ABAT: variants seen among roughly 807,000 people sequenced by gnomAD.
ABAT encodes 4-aminobutyrate aminotransferase, also known as 4-aminobutyrate aminotransferase, mitochondrial.
Under a neutral mutation model 64.6 loss-of-function variants are expected in ABAT, and 45 were observed. The ratio of observed to expected loss-of-function variants is 0.70; its 90% CI spans 0.55 to 0.89. The LOEUF (loss-of-function observed/expected upper bound fraction) is 0.89, where lower values mean the gene tolerates loss of function less well. ABAT is among the 40% of genes least tolerant of loss of function. ABAT has a pLI of 0.00. For missense variants in ABAT, 633 were observed against 658.4 expected (o/e 0.96, Z 0.42); for synonymous variants, 297 against 250.5 (o/e 1.19, Z -1.75).
In ABAT at chr16:8,772,475, C is replaced by T. The variant is rs372624722; in HGVS notation, c.817-305C>T. Among the ~76,000 whole-genome samples, 14 of 152,322 alleles carry T rather than the reference C, an allele frequency of 9.2e-5. No individual in the cohort carries two copies. In the East Asian group the frequency reaches 1.3e-3, roughly 15 times the overall value. On this transcript the variant is annotated intron_variant, in intron 11 of 15. Coordinates refer to ENST00000268251, the MANE Select transcript of ABAT (RefSeq NM_020686.6). ...ATATTTTCTCATTCAGTCCTCTCCACGACCCTGGAAGGTGGATTCTGTCAG... is the reference window on the plus strand; with the variant it reads ...ATATTTTCTCATTCAGTCCTCTCCATGACCCTGGAAGGTGGATTCTGTCAG...
intron 1 of ABAT, among the ~76,000 whole-genome samples, chr16:8,729,882 G>A (rs1282444794): frequency 6.6e-6 from 1 of 151,334 alleles, no homozygotes; most frequent in Non-Finnish European, 1.5e-5. Context: ...TCAGTGGGTA[G>A]AGAGTGTCAG....
chr16:8,769,296 G>T (rs560234123), intron 11 of ABAT, among the ~76,000 whole-genome samples: 4 of 152,166 alleles, frequency 2.6e-5, no homozygotes, highest in African/African-American at 9.6e-5. Flanking sequence ...GGCTGGGCAC[G>T]GTGGCTCCGC....
chr16:8,692,527 T>C (rs920293251), intron 1 of ABAT, among the ~76,000 whole-genome samples: 3 of 152,224 alleles, frequency 2.0e-5, no homozygotes. Context: ...TGCAGACTCA[T>C]ACCTTTTTTG....
At chr16:8,735,524 G>C (rs576124413) in intron 1 of ABAT, among the ~76,000 whole-genome samples, 175 bp from the exon 2 acceptor site, 1 of 152,290 alleles carries the variant, frequency 6.6e-6, no homozygotes, top group African/African-American at 2.4e-5. Flanking sequence ...GAGATGACAG[G>C]TGTGAGCCAC....
At position 8,767,271 on chromosome 16, in the gene ABAT, T is replaced by C. The variant is rs533349618; in HGVS notation, c.604-922T>C. ...GGACAGGGCGTCCATGCACCCCTCC[T>C]GAACCCAAGGCGCAGCTGCCATGGG... On this transcript the variant is annotated intron_variant, in intron 9 of 15. Transcript: ENST00000268251. Among the ~76,000 whole-genome samples the C allele has an allele frequency of 7.9e-5, 12 of 152,352 alleles. No homozygotes were observed. The South Asian group carries it at 2.3e-3, about 29-fold the overall frequency.
At chr16:8,766,742 G>A (rs1042294683) in intron 9 of ABAT, among the ~76,000 whole-genome samples, 1 of 152,148 alleles carries the variant, frequency 6.6e-6, no homozygotes, top group Non-Finnish European at 1.5e-5. Flanking sequence ...GCCGAGGCGG[G>A]TGGATCTCCC....
At chr16:8,751,039 C>G (rs543847219) in intron 5 of ABAT, among the ~76,000 whole-genome samples, 1 of 151,098 alleles carries the variant, frequency 6.6e-6, no homozygotes, top group South Asian at 2.1e-4. Flanking sequence ...ACCTCTGCCT[C>G]CCGGGTTCAA....
intron 1 of ABAT, among the ~76,000 whole-genome samples, chr16:8,733,887 G>A (rs2058834747): frequency 6.6e-6 from 1 of 152,242 alleles, no homozygotes; most frequent in Non-Finnish European, 1.5e-5. Flanking sequence ...GAATCATGCA[G>A]TATCTGACCT....
chr16:8,712,975 G>T (rs1392178819), intron 1 of ABAT: 1 of 149,570 alleles, frequency 6.7e-6, no homozygotes, highest in Admixed American at 6.7e-5. Context: ...CCCATCTTGT[G>T]ATCACCCTCA....
intron 1 of ABAT, among the ~76,000 whole-genome samples, chr16:8,725,568 GAAT>G (rs1247021299): frequency 6.6e-6 from 1 of 152,186 alleles, no homozygotes; most frequent in East Asian, 1.9e-4. Flanking sequence ...TTTTATGACT[GAAT>G]AATATTTCGT....
chr16:8,724,752 A>C (rs2058488371), intron 1 of ABAT, among the ~76,000 whole-genome samples: 4 of 103,792 alleles, frequency 3.9e-5, no homozygotes, highest in African/African-American at 1.4e-4. Flanking sequence ...AAAACAAAAA[A>C]AAAAAAAAAA....
chr16:8,757,409 C>G (rs991997054), intron 5 of ABAT: 7 of 360,944 alleles, frequency 1.9e-5, no homozygotes, highest in Non-Finnish European at 3.2e-5. Context: ...CTCAAGTGAT[C>G]CACCCGCCTT....
chr16:8,758,314 A>T (rs998905594), intron 6 of ABAT, among the ~76,000 whole-genome samples: 2 of 152,022 alleles, frequency 1.3e-5, no homozygotes, highest in Non-Finnish European at 2.9e-5. Flanking sequence ...GGGGATGGAG[A>T]GGGTGGGTGT....
At chr16:8,744,703 G>A (rs1361893521) in intron 2 of ABAT, among the ~76,000 whole-genome samples, 4 of 151,254 alleles carry the variant, frequency 2.6e-5, no homozygotes, top group African/African-American at 9.7e-5. Flanking sequence ...CCTCAGCCAG[G>A]CTAAAAATAC....
intron 1 of ABAT, among the ~76,000 whole-genome samples, chr16:8,702,298 G>C (rs945519798): frequency 6.6e-6 from 1 of 152,046 alleles, no homozygotes; most frequent in African/African-American, 2.4e-5. Context: ...TTTTGCCCAG[G>C]CTGGAGTGCA....
intron 2 of ABAT, among the ~76,000 whole-genome samples, chr16:8,745,508 G>A (rs568361587): frequency 6.6e-6 from 1 of 151,820 alleles, no homozygotes; most frequent in Non-Finnish European, 1.5e-5. Flanking sequence ...GCCAGCCTGG[G>A]CAACATGGCG....
intron 1 of ABAT, among the ~76,000 whole-genome samples, chr16:8,700,198 G>A (rs917496432): frequency 2.0e-5 from 3 of 152,146 alleles, no homozygotes; most frequent in African/African-American, 7.2e-5. Flanking sequence ...TATTGCAGGT[G>A]TGGTTTTTGC....
intron 2 of ABAT, among the ~76,000 whole-genome samples, chr16:8,744,835 G>C (rs1350973428): frequency 6.6e-6 from 1 of 152,026 alleles, no homozygotes; most frequent in Non-Finnish European, 1.5e-5. Context: ...GTCTCTGCAT[G>C]CTAATACCAT....
intron 2 of ABAT, among the ~76,000 whole-genome samples, chr16:8,743,444 T>TATATATATATATATATATACATAC (rs368568293): frequency 2.5e-5 from 3 of 117,702 alleles, no homozygotes; most frequent in Non-Finnish European, 4.9e-5. Flanking sequence ...TATATATATA[T>TATATATATATATATATATACATAC]ACACACATTT....
Sources: gnomAD v4.1 joint callset for allele counts (sites outside exome capture counted in the v4.1 genomes callset) on GRCh38, gnomAD v4.1.1 for gene constraint, MANE v1.5 for transcripts, NCBI Gene and HGNC (gene_info 2026-07-23, HGNC 2026-07-21) for gene names.